Variants in AUTS2 observed in about 807,000 individuals in gnomAD.
AUTS2 encodes autism susceptibility gene 2 protein.
In AUTS2, 17 loss-of-function variants were observed where a neutral mutation model predicts 112.4. The ratio of observed to expected loss-of-function variants is 0.15; its 90% CI spans 0.10 to 0.23. The LOEUF is 0.23. Ranked by LOEUF, AUTS2 falls within the 10% of genes least tolerant of loss-of-function variation. AUTS2 has a pLI of 1.00. For synonymous variants in AUTS2, 751 were observed against 702.7 expected (o/e 1.07, Z -1.09); for missense variants, 1,510 against 1,701.6 (o/e 0.89, Z 1.98).
chr7:70,629,286 C>T (rs756138861), intron 5 of AUTS2, among the ~76,000 whole-genome samples: 2 of 152,132 alleles, frequency 1.3e-5, no homozygotes, highest in Non-Finnish European at 2.9e-5. Flanking sequence ...GCTTGGCCAA[C>T]AGGGTGAAAC....
intron 4 of AUTS2, 43 bp downstream of exon 4, chr7:70,134,614 T>C (rs1806452571): frequency 6.3e-7 from 1 of 1,582,404 alleles, no homozygotes; most frequent in African/African-American, 1.3e-5. Flanking sequence ...TGCATTGGCA[T>C]TGATTTCCTT....
intron 1 of AUTS2, among the ~76,000 whole-genome samples, chr7:69,645,967 ATT>A (rs751243685): frequency 5.2e-5 from 7 of 134,194 alleles, no homozygotes; most frequent in African/African-American, 2.7e-5. Context: ...AACGGTCTGG[ATT>A]TTTTTTTTTT....
At chr7:69,665,006 T>C (rs1795965578) in intron 1 of AUTS2, among the ~76,000 whole-genome samples, 1 of 152,190 alleles carries the variant, frequency 6.6e-6, no homozygotes, top group African/African-American at 2.4e-5. Context: ...CTTGAGGTTC[T>C]TTAGGTTGGC....
chr7:69,655,920 A>G (rs2129138388), intron 1 of AUTS2, among the ~76,000 whole-genome samples: 1 of 152,302 alleles, frequency 6.6e-6, no homozygotes, highest in East Asian at 1.9e-4. Flanking sequence ...CACAAGTTGT[A>G]TGGGGCAGAG....
At chr7:70,172,104 C>T (rs6976263) in intron 4 of AUTS2, among the ~76,000 whole-genome samples, 12,196 of 152,180 alleles carry the variant, frequency 0.08, 627 homozygotes, top group African/African-American at 0.13. Context: ...CGTTGCTTTT[C>T]CTAACCCCCC....
At chr7:70,456,465 T>C (rs2005725) in intron 5 of AUTS2, among the ~76,000 whole-genome samples, 40,769 of 152,208 alleles carry the variant, frequency 0.27, 6,248 homozygotes, top group African/African-American at 0.42. Context: ...CATTAATTAA[T>C]GCCCACTTAC....
chr7:69,921,206 A>G (rs1584444133), intron 2 of AUTS2, among the ~76,000 whole-genome samples: 1 of 152,200 alleles, frequency 6.6e-6, no homozygotes, highest in South Asian at 2.1e-4. Flanking sequence ...TGGATTGACT[A>G]AGGAAGTTGT....
intron 1 of AUTS2, among the ~76,000 whole-genome samples, chr7:69,689,026 T>C (rs1473036800): frequency 6.6e-6 from 1 of 152,220 alleles, no homozygotes; most frequent in Non-Finnish European, 1.5e-5. Flanking sequence ...CTGTCTGGGA[T>C]GTGCAGATTT....
At chr7:70,231,492 G>A (rs568865332) in intron 4 of AUTS2, among the ~76,000 whole-genome samples, 1 of 152,206 alleles carries the variant, frequency 6.6e-6, no homozygotes, top group African/African-American at 2.4e-5. Flanking sequence ...GCCCAGGCTG[G>A]AGTGCAGTGG....
intron 4 of AUTS2, among the ~76,000 whole-genome samples, chr7:70,247,357 T>C (rs1812978040): frequency 6.6e-6 from 1 of 152,112 alleles, no homozygotes; most frequent in Admixed American, 6.6e-5. Flanking sequence ...TGTCAGAGGC[T>C]GGTGGGAAGA....
chr7:70,089,451 T>G (rs1156778458), intron 2 of AUTS2, among the ~76,000 whole-genome samples: 1 of 152,116 alleles, frequency 6.6e-6, no homozygotes, highest in Non-Finnish European at 1.5e-5. Flanking sequence ...GATAGTGTCT[T>G]TTTTCATTCC....
chr7:70,718,895 TTC>T (rs1810520175), intron 6 of AUTS2, among the ~76,000 whole-genome samples: 1 of 152,152 alleles, frequency 6.6e-6, no homozygotes, highest in Non-Finnish European at 1.5e-5. Flanking sequence ...AATCGACTGT[TTC>T]TTCATCATTA....
At chr7:70,152,334 C>G (rs1372738754) in intron 4 of AUTS2, among the ~76,000 whole-genome samples, 1 of 151,704 alleles carries the variant, frequency 6.6e-6, no homozygotes, top group Non-Finnish European at 1.5e-5. Context: ...ATATTATAAT[C>G]AGATTTCTCA....
At chr7:70,242,579 A>G (rs1289292352) in intron 4 of AUTS2, among the ~76,000 whole-genome samples, 1 of 152,100 alleles carries the variant, frequency 6.6e-6, no homozygotes, top group East Asian at 1.9e-4. Context: ...CTTCCATCCT[A>G]CTGTGTGATA....
intron 1 of AUTS2, among the ~76,000 whole-genome samples, chr7:69,614,875 A>T (rs761321916): frequency 6.6e-6 from 1 of 152,232 alleles, no homozygotes; most frequent in Non-Finnish European, 1.5e-5. Flanking sequence ...AACTGTCTCA[A>T]TAAACACAAT....
chr7:70,433,743 A>G (rs753650864), intron 4 of AUTS2, among the ~76,000 whole-genome samples: 83 of 152,198 alleles, frequency 5.5e-4, no homozygotes, highest in Admixed American at 3.9e-3. Context: ...GAAGTAGAAA[A>G]TGTTCTAATC....
rs71549338 is a variant in AUTS2, at chr7:69,824,521, G to A, written c.310-74765G>A. ...CAGAAGTATAATTTATATAGGAACCGAAACCAGCCCTCGATTTTTTTTTTT... is the reference window on the plus strand; with the variant it reads ...CAGAAGTATAATTTATATAGGAACCAAAACCAGCCCTCGATTTTTTTTTTT... On this transcript the variant is annotated intron_variant, in intron 1 of 18. Coordinates refer to ENST00000342771, the MANE Select transcript of AUTS2 (RefSeq NM_015570.4). 6.5e-3 allele frequency: 994 copies of A among 151,814 alleles called. 9 individuals are homozygous for A. The highest frequency in any genetic ancestry group is 0.011 in the Non-Finnish European group (763 of 67,932). 9.4% of individuals were successfully genotyped at this position (151,814 alleles called of 1,614,324 possible).
At chr7:70,064,098 G>A (rs546755749) in intron 2 of AUTS2, among the ~76,000 whole-genome samples, 47 of 152,172 alleles carry the variant, frequency 3.1e-4, no homozygotes, top group African/African-American at 8.4e-4. Context: ...CTTAAGGAGC[G>A]AAGGATTTGG....
intron 4 of AUTS2, among the ~76,000 whole-genome samples, chr7:70,173,705 ATTTTGG>A (rs1808832066): frequency 6.6e-6 from 1 of 152,210 alleles, no homozygotes; most frequent in Non-Finnish European, 1.5e-5. Context: ...TCTGTGTGAC[ATTTTGG>A]TAATTCTTGC....
Sources: allele counts gnomAD v4.1 joint callset (sites outside exome capture counted in the v4.1 genomes callset), GRCh38; gene constraint gnomAD v4.1.1; transcripts MANE v1.5; gene names NCBI Gene and HGNC (gene_info 2026-07-23, HGNC 2026-07-21).